TNS3: variants seen among roughly 807,000 people sequenced by gnomAD.
TNS3 encodes tensin-3.
A neutral mutation model predicts 140.9 loss-of-function variants in TNS3; 45 were observed. The ratio of observed to expected loss-of-function variants is 0.32; its 90% CI spans 0.25 to 0.41. The LOEUF is 0.41. Ranked by LOEUF, TNS3 falls within the 10% of genes least tolerant of loss-of-function variation. The probability of loss-of-function intolerance (pLI) is 1.00; values close to 1 mark genes in which losing one functional copy is unlikely to be tolerated. For synonymous variants in TNS3, 815 were observed against 788.4 expected, an observed-to-expected ratio of 1.03 and a Z score of -0.56; for missense variants, 1,716 against 1,906.7, an observed-to-expected ratio of 0.90 and a Z score of 1.86.
intron 3 of TNS3, among the ~76,000 whole-genome samples, chr7:47,495,418 AC>A (rs1175266101): frequency 6.6e-6 from 1 of 152,118 alleles, no homozygotes; most frequent in African/African-American, 2.4e-5. Context: ...CAGGGGCTGC[AC>A]GAGACAGAGT....
rs376563851 is a variant in TNS3 at position 47,368,694 on chromosome 7, G to A, written c.1952C>T (p.Pro651Leu). ...VAVQRGVGSG[P>L]HPPDTQQPSP... ...GGGCTGCTGTGTGTCAGGGGGATGT[G>A]GCCCACTGCCTACACCCCTCTGGAC... is the stretch of plus-strand genomic sequence containing the variant. Residue 651 changes from proline (P) to leucine (L), a missense_variant, in exon 17 of 31, where the codon CCA becomes CTA. Physicochemically the swap from Pro to Leu is moderately conservative, Grantham distance 98. This residue lies in a region of TNS3 where 1,163 missense variants were observed against 1,182.1 expected (regional missense o/e 0.98). Coordinates refer to ENST00000311160, the MANE Select transcript of TNS3 (RefSeq NM_022748.12). 3 of 1,589,366 alleles carry A rather than the reference G, an allele frequency of 1.9e-6. No individual in the cohort carries two copies. The highest frequency in any genetic ancestry group is 2.6e-6 in the Non-Finnish European group (3 of 1,168,594).
Position 47,278,108 on chromosome 7 carries a change from T to C in TNS3, c.4306A>G (p.Lys1436Glu). The change falls in exon 31 of 31, where the codon AAG becomes GAG. Residue 1436 changes from lysine (K) to glutamate (E), a missense_variant. Around this residue, in one of 3 missense-constraint regions of TNS3, gnomAD observed 216 missense variants for 295.7 expected, o/e 0.73. Transcript: ENST00000311160. The stretch of plus-strand genomic sequence containing the variant: ...TTCTTTGGGGAACCAATCATGACCT[T>C]TGATACGAAGTTGACAATGGCACTG... ...PASAIVNFVSKVMIGSPKKV is the reference protein window; with the variant it reads ...PASAIVNFVSEVMIGSPKKV 2.5e-6 allele frequency: 4 copies of C among 1,614,142 alleles called. No individual in the cohort carries two copies. Among genetic ancestry groups the C allele is most frequent in the Non-Finnish European group, 3.4e-6 (4 of 1,180,026 alleles).
At chr7:47,395,682 C>G (rs1453560417) in intron 16 of TNS3, among the ~76,000 whole-genome samples, 2 of 152,220 alleles carry the variant, frequency 1.3e-5, no homozygotes, top group Non-Finnish European at 1.5e-5. Context: ...GCAAAGAACA[C>G]TCTGTTTACT....
Position 47,278,204 on chromosome 7 carries a change from C to T in TNS3, c.4210G>A (p.Ala1404Thr), listed in dbSNP as rs775468083. The T allele has an allele frequency of 3.1e-6, 5 of 1,613,926 alleles. No homozygotes were observed. In the South Asian group the frequency reaches 5.5e-5, roughly 18 times the overall value. The change falls in exon 31 of 31, where the codon GCC becomes ACC. Residue 1404 changes from alanine to threonine, a missense_variant. Ala to Thr is a moderately conservative substitution (Grantham distance 58, BLOSUM62 0). This residue lies in a region of TNS3 where 216 missense variants were observed against 295.7 expected (regional missense o/e 0.73). Transcript: ENST00000311160. ...TCCGTGGCACTGCCCTGCTTCCGGG[C>T]CACAAATCCAAAGACTCTGCCAAAG... The part of the protein sequence containing the change: ...GPSSKVFGFV[A>T]RKQGSATDNV...
In TNS3 at chr7:47,283,642, G is replaced by A. The variant is rs1450493759; in HGVS notation, c.4097+55C>T. 2.9e-5 allele frequency: 42 copies of A among 1,459,354 alleles called. No homozygotes were observed. In the South Asian group the frequency reaches 6.0e-4, roughly 21 times the overall value. 90.4% of individuals were successfully genotyped at this position (1,459,354 alleles called of 1,614,324 possible). ...TACTCACACTAGGGAAGAACAAGAG[G>A]AACGTGACAGCCCCGCCCCTGCTGG... On this transcript the variant is annotated intron_variant, in intron 28 of 30. Coordinates refer to ENST00000311160, the MANE Select transcript of TNS3 (RefSeq NM_022748.12).
chr7:47,567,442 T>C (rs1215950386), intron 1 of TNS3, among the ~76,000 whole-genome samples: 1 of 152,144 alleles, frequency 6.6e-6, no homozygotes, highest in East Asian at 1.9e-4. Context: ...CCCAGCATTT[T>C]GGAAGGCCGA....
chr7:47,337,450 AT>A (rs1236415432), intron 20 of TNS3, among the ~76,000 whole-genome samples: 9 of 152,348 alleles, frequency 5.9e-5, no homozygotes, highest in African/African-American at 2.2e-4. Flanking sequence ...CTGCATACTA[AT>A]TAACAAGAAG....
intron 1 of TNS3, among the ~76,000 whole-genome samples, chr7:47,533,103 TTATATATATA>T (rs1340588438): frequency 1.1e-4 from 2 of 18,594 alleles, no homozygotes; most frequent in African/African-American, 2.7e-4. Context: ...TTGTCAGATT[TTATATATATA>T]TATATATATA....
chr7:47,482,105 C>T (rs1007125304), intron 3 of TNS3, among the ~76,000 whole-genome samples: 1 of 152,228 alleles, frequency 6.6e-6, no homozygotes, highest in Admixed American at 6.5e-5. Context: ...AGTGACCTCA[C>T]TCCTTAGCTT....
chr7:47,432,446 T>C, intron 8 of TNS3, among the ~76,000 whole-genome samples: 1 of 152,182 alleles, frequency 6.6e-6, no homozygotes, highest in East Asian at 1.9e-4. Context: ...TCTCAGCCCC[T>C]ATAAATATTA....
At chr7:47,475,894 T>A (rs1184969172) in intron 4 of TNS3, among the ~76,000 whole-genome samples, 2 of 152,132 alleles carry the variant, frequency 1.3e-5, no homozygotes, top group African/African-American at 4.8e-5. Context: ...AAATGCGGGA[T>A]CACAGGAATC....
At chr7:47,332,112 T>G (rs1788375050) in intron 20 of TNS3, among the ~76,000 whole-genome samples, 1 of 152,208 alleles carries the variant, frequency 6.6e-6, no homozygotes, top group South Asian at 2.1e-4. Context: ...TGGGTGCATT[T>G]TGGCCAGGAA....
In TNS3 at chr7:47,291,937, G is replaced by A. The variant is rs1345429576; in HGVS notation, c.3928+18C>T. The A allele has an allele frequency of 8.1e-6, 13 of 1,613,544 alleles. 1 individual carries two copies. In the South Asian group the frequency reaches 1.2e-4, roughly 15 times the overall value. On this transcript the variant is annotated intron_variant, in intron 27 of 30. Coordinates refer to ENST00000311160, the MANE Select transcript of TNS3 (RefSeq NM_022748.12). ...CTCCCCAGTCACCAGATGTAGAAAT[G>A]GAGCTGCATTTACTGACCTGCCCCC...
chr7:47,439,767 C>T, intron 5 of TNS3, 109 bp from the exon 6 acceptor site: 1 of 1,172,286 alleles, frequency 8.5e-7, no homozygotes, highest in East Asian at 2.6e-5. Context: ...GTGTTCACAT[C>T]AGCACCTGGG....
intron 16 of TNS3, among the ~76,000 whole-genome samples, chr7:47,395,962 T>G (rs1446904263): frequency 6.6e-6 from 1 of 152,202 alleles, no homozygotes; most frequent in East Asian, 1.9e-4. Flanking sequence ...AGACACCCCC[T>G]TCCTGGAGTC....
Position 47,304,906 on chromosome 7 carries a change from C to G in TNS3, c.2748G>C (p.Ser916=). 1 of 1,433,786 alleles carries G rather than the reference C, an allele frequency of 7.0e-7. No homozygotes were observed. The highest frequency in any genetic ancestry group is 1.6e-5 in the South Asian group (1 of 62,638). 88.8% of individuals were successfully genotyped at this position (1,433,786 alleles called of 1,614,324 possible). ...CAAAAGCCTGCTGAAAGGAGGGCGT[C>G]GAGGACGCATCAGCCCGGAGCATCG... is the stretch of plus-strand genomic sequence containing the variant. ...KSTMLRADAS[S]TPSFQQAFAS... is the part of the protein sequence containing the mutation. The change falls in exon 21 of 31, where the codon TCG becomes TCC. Residue 916 remains serine (S), a synonymous_variant. Coordinates refer to ENST00000311160, the MANE Select transcript of TNS3 (RefSeq NM_022748.12).
rs1263422191 is a variant in TNS3 at position 47,303,052 on chromosome 7, T to C, written c.3355A>G (p.Ser1119Gly). Residue 1119 changes from serine (S) to glycine (G), a missense_variant, in exon 22 of 31, where the codon AGT (serine) becomes GGT (glycine). Physicochemically the swap from Ser to Gly is moderately conservative, Grantham distance 56. Around this residue, in one of 3 missense-constraint regions of TNS3, gnomAD observed 1,163 missense variants for 1,182.1 expected, o/e 0.98. Transcript: ENST00000311160. Reference protein sequence around the residue: ...RSLGSVSPSSSGFSSPHSGST... With the variant: ...RSLGSVSPSSGGFSSPHSGST... ...CCGCTGTGCGGGCTGGAGAAGCCAC[T>C]GGAGGAGGGAGAGACTGAGCCCAAA... 9.9e-6 allele frequency: 16 copies of C among 1,614,042 alleles called. No homozygotes were observed. The highest frequency in any genetic ancestry group is 1.7e-5 in the Admixed American group (1 of 60,010).
chr7:47,550,010 C>T (rs1203290968), intron 1 of TNS3, among the ~76,000 whole-genome samples: 2 of 150,008 alleles, frequency 1.3e-5, no homozygotes, highest in African/African-American at 4.9e-5. Flanking sequence ...TCTCCTCTCC[C>T]CTCTTCCATC....
intron 1 of TNS3, among the ~76,000 whole-genome samples, chr7:47,542,230 G>A (rs1799807983): frequency 1.3e-5 from 2 of 152,136 alleles, no homozygotes; most frequent in Non-Finnish European, 2.9e-5. Flanking sequence ...AGGGGTCAAG[G>A]TGACCATGAC....
Sources: gnomAD v4.1 joint callset for allele counts (sites outside exome capture counted in the v4.1 genomes callset) on GRCh38, gnomAD v4.1.1 for gene constraint, gnomAD v4.1.1 regional missense constraint, MANE v1.5 for transcripts, NCBI Gene and HGNC (gene_info 2026-07-23, HGNC 2026-07-21) for gene names.